The following SS18L2 variants were observed in gnomAD, a reference collection of about 807,000 sequenced individuals.
SS18L2 encodes the protein SS18 like 2, also known as SS18-like protein 2.
Under a neutral mutation model 10.3 loss-of-function variants are expected in SS18L2, and 8 were observed. The observed-to-expected ratio is 0.78, with a 90% CI of 0.46 to 1.41. The LOEUF (loss-of-function observed/expected upper bound fraction) is 1.41, where lower values mean the gene tolerates loss of function less well. Among genes scored for constraint, SS18L2 ranks in the 40% most tolerant of loss-of-function variants. SS18L2 has a pLI of 0.00. For synonymous variants in SS18L2, 41 were observed against 34.6 expected, an observed-to-expected ratio of 1.19 and a Z score of -0.65; for missense variants, 100 against 96.2, an observed-to-expected ratio of 1.04 and a Z score of -0.17.
chr3:42,591,301 C>A, intron 1 of SS18L2: 1 of 583,794 alleles, frequency 1.7e-6, no homozygotes, highest in Non-Finnish European at 3.0e-6. Flanking sequence ...TGGCTTCAAG[C>A]GAGTCTCCTG....
At chr3:42,594,294 G>A (rs1363908343) in intron 2 of SS18L2, 128 bp from the exon 3 acceptor site, 1 of 676,662 alleles carries the variant, frequency 1.5e-6, no homozygotes, top group Non-Finnish European at 2.6e-6. Context: ...AAACAAGAAG[G>A]TTGATAACAC....
chr3:42,591,173 A>C (rs1704821386), intron 1 of SS18L2: 1 of 612,118 alleles, frequency 1.6e-6, no homozygotes, highest in Non-Finnish European at 2.9e-6. Context: ...CGCCGTCCAG[A>C]CGTCACACTG....
chr3:42,588,097 T>TAAC (rs201585669), upstream of SS18L2, among the ~76,000 whole-genome samples: 3 of 146,552 alleles, frequency 2.0e-5, no homozygotes, highest in Non-Finnish European at 4.5e-5. Flanking sequence ...AAAACAACAA[T>TAAC]AACAACAACA....
intron 2 of SS18L2, among the ~76,000 whole-genome samples, chr3:42,592,026 C>T (rs558286576): frequency 6.6e-6 from 1 of 152,166 alleles, no homozygotes; most frequent in Admixed American, 6.5e-5. Context: ...TCTAACTTCC[C>T]GTCAGTCTGT....
At chr3:42,581,924 G>A (rs544656670) in exon 1 of SS18L2, 1 of 152,334 alleles carries the variant, frequency 6.6e-6, no homozygotes, top group East Asian at 1.9e-4. Context: ...CCGACCGGGA[G>A]GGCTCGGCCC....
intron 1 of SS18L2, among the ~76,000 whole-genome samples, chr3:42,585,058 G>A (rs1704567392): frequency 6.6e-6 from 1 of 152,212 alleles, no homozygotes; most frequent in Admixed American, 6.5e-5. Context: ...GAACCTGGGA[G>A]GAGGAGGCTG....
rs704979 is a variant in SS18L2 at position 42,596,172 on chromosome 3, G to C, written c.*1663G>C. ...AAGTAGCTGGGATTACAGGCATGTG[G>C]CACCATGCCTGGCTAATTTTGGTAT... On this transcript the variant is annotated 3_prime_UTR_variant, in exon 3 of 3. Transcript: ENST00000011691. 0.46 allele frequency among the ~76,000 whole-genome samples: 69,085 copies of C among 151,686 alleles called. 18,441 individuals carry two copies. Among genetic ancestry groups the C allele is most frequent in the African/African-American group, 0.74 (30,652 of 41,400 alleles).
In SS18L2 at chr3:42,595,948, C is replaced by G. The variant is rs1226204250; in HGVS notation, c.*1439C>G. On this transcript the variant is annotated 3_prime_UTR_variant, in exon 3 of 3. Coordinates refer to ENST00000011691, the MANE Select transcript of SS18L2 (RefSeq NM_001370300.1). ...GGTTGAGAACTGGGCACATGTTAATCTATGTTAGCACTAATGTGCTGAGGG... is the reference window on the plus strand; with the variant it reads ...GGTTGAGAACTGGGCACATGTTAATGTATGTTAGCACTAATGTGCTGAGGG... 6.6e-6 allele frequency among the ~76,000 whole-genome samples: 1 copy of G among 152,168 alleles called. No homozygotes were observed. The highest frequency in any genetic ancestry group is 2.4e-5 in the African/African-American group (1 of 41,442).
At chr3:42,587,714 C>T (rs553888441), upstream of SS18L2, among the ~76,000 whole-genome samples, 5 of 150,540 alleles carry the variant, frequency 3.3e-5, no homozygotes, top group Non-Finnish European at 7.4e-5. Context: ...CCAGCCTGGG[C>T]GACAGAGCGA....
Position 42,596,045 on chromosome 3 carries a change from T to G in SS18L2, c.*1536T>G, listed in dbSNP as rs942555989. On this transcript the variant is annotated 3_prime_UTR_variant, in exon 3 of 3. Transcript: ENST00000011691. ...TTGTTTTGTTTTTGTTTTTGTTTTT[T>G]TTTGAGACGGAATCTCGCTCTGTCG... Among the ~76,000 whole-genome samples the G allele has an allele frequency of 5.3e-5, 8 of 152,110 alleles. No individual in the cohort carries two copies. Among genetic ancestry groups the G allele is most frequent in the African/African-American group, 1.7e-4 (7 of 41,412 alleles).
chr3:42,587,154 C>T (rs540414801), upstream of SS18L2, among the ~76,000 whole-genome samples: 41 of 152,318 alleles, frequency 2.7e-4, no homozygotes, highest in African/African-American at 9.6e-4. Context: ...GGCGTCTTCC[C>T]TAACTTTCAC....
Position 42,595,571 on chromosome 3 carries a change from T to A in SS18L2, c.*1062T>A, listed in dbSNP as rs531314541. On this transcript the variant is annotated 3_prime_UTR_variant, in exon 3 of 3. Coordinates refer to ENST00000011691, the MANE Select transcript of SS18L2 (RefSeq NM_001370300.1). ...TAAATTATGATCCACCCAGCTTTGA[T>A]GTGGTAATTCATTAGGGATTACATA... Among the ~76,000 whole-genome samples the A allele has an allele frequency of 2.6e-5, 4 of 152,364 alleles. No homozygotes were observed. The South Asian group carries it at 8.3e-4, about 32-fold the overall frequency.
Position 42,594,868 on chromosome 3 carries a change from G to C in SS18L2, c.*359G>C. ...GTAGGTGTTGGGCAGGAATTGGTGAGATTCCTGACTTGATACCTTGCTAAA... is the reference window on the plus strand; with the variant it reads ...GTAGGTGTTGGGCAGGAATTGGTGACATTCCTGACTTGATACCTTGCTAAA... On this transcript the variant is annotated 3_prime_UTR_variant, in exon 3 of 3. Transcript: ENST00000011691. The C allele has an allele frequency of 6.0e-6, 1 of 167,182 alleles. No individual in the cohort carries two copies. Among genetic ancestry groups the C allele is most frequent in the Non-Finnish European group, 1.3e-5 (1 of 77,530 alleles). The allele number at this position is 167,182 out of a possible 1,614,324, so 10.4% of individuals were successfully genotyped here.
intron 2 of SS18L2, among the ~76,000 whole-genome samples, chr3:42,594,037 G>A (rs1704952529): frequency 6.8e-6 from 1 of 147,702 alleles, no homozygotes; most frequent in South Asian, 2.2e-4. Flanking sequence ...TAGGACACAA[G>A]AACAGCTCAC....
At position 42,590,894 on chromosome 3, in the gene SS18L2, C is replaced by G; in HGVS notation, c.-4C>G. 6.9e-7 allele frequency: 1 copy of G among 1,444,682 alleles called. No individual in the cohort carries two copies. Among genetic ancestry groups the G allele is most frequent in the Non-Finnish European group, 9.3e-7 (1 of 1,078,090 alleles). The allele number at this position is 1,444,682 out of a possible 1,614,324, so 89.5% of individuals were successfully genotyped here. A position where few individuals can be genotyped will look rare whatever the true frequency, so the allele number is the denominator to read the frequency against. ...GGCGGTCGTGGTTCCGGAGGTTCCT[C>G]GGGATGTCGGTGGCCTTCGTACCGG... On this transcript the variant is annotated 5_prime_UTR_variant, in exon 1 of 3. Transcript: ENST00000011691.
intron 1 of SS18L2, 113 bp downstream of exon 1, chr3:42,591,079 G>A: frequency 8.1e-7 from 1 of 1,237,324 alleles, no homozygotes; most frequent in Non-Finnish European, 1.1e-6. Context: ...TGTGAAGGGT[G>A]CTGAGCAGCC....
At chr3:42,585,917 C>G (rs563822345), upstream of SS18L2, among the ~76,000 whole-genome samples, 2 of 152,072 alleles carry the variant, frequency 1.3e-5, no homozygotes, top group Non-Finnish European at 2.9e-5. Context: ...ATCCTGCATG[C>G]TCCCCAGATC....
At chr3:42,591,456 G>C in intron 1 of SS18L2, 69 bp from the exon 2 acceptor site, 1 of 1,190,976 alleles carries the variant, frequency 8.4e-7, no homozygotes, top group Non-Finnish European at 1.3e-6. Flanking sequence ...GCCTCCCAAA[G>C]GGCCGGGGTT....
intron 2 of SS18L2, among the ~76,000 whole-genome samples, chr3:42,593,229 A>G (rs1203681237): frequency 2.0e-5 from 3 of 152,258 alleles, no homozygotes; most frequent in African/African-American, 7.2e-5. Flanking sequence ...CCTGGCCAAC[A>G]TGGCAAAACC....
Sources: allele counts gnomAD v4.1 joint callset (sites outside exome capture counted in the v4.1 genomes callset), GRCh38; gene constraint gnomAD v4.1.1; transcripts MANE v1.5; gene names NCBI Gene and HGNC (gene_info 2026-07-23, HGNC 2026-07-21).